HEATR3: variants seen among roughly 807,000 people sequenced by gnomAD.
The protein encoded by HEATR3 is HEAT repeat-containing protein 3.
A neutral mutation model predicts 72.8 loss-of-function variants in HEATR3; 56 were observed. That is an observed-to-expected ratio of 0.77 (90% CI 0.62 to 0.96). HEATR3 has a LOEUF of 0.96. Among genes scored for constraint, HEATR3 ranks in the 40% least tolerant of loss-of-function variants. The probability of loss-of-function intolerance (pLI) is 0.00; values close to 1 mark genes in which losing one functional copy is unlikely to be tolerated. For synonymous variants in HEATR3, 331 were observed against 318.1 expected (o/e 1.04, Z -0.43); for missense variants, 747 against 831.4 (o/e 0.90, Z 1.25).
intron 11 of HEATR3, among the ~76,000 whole-genome samples, chr16:50,093,185 C>G (rs945987416): frequency 6.6e-6 from 1 of 152,208 alleles, no homozygotes; most frequent in Non-Finnish European, 1.5e-5. Context: ...AGCTGCCTCT[C>G]TTCTACCCGG....
At chr16:50,084,837 G>A (rs1303539032) in intron 10 of HEATR3, among the ~76,000 whole-genome samples, 186 bp downstream of exon 10, 2 of 152,182 alleles carry the variant, frequency 1.3e-5, no homozygotes, top group Non-Finnish European at 2.9e-5. Flanking sequence ...AGCAGTGTGT[G>A]TCACAGTTGC....
chr16:50,079,078 T>C, intron 7 of HEATR3, 60 bp downstream of exon 7: 1 of 1,504,592 alleles, frequency 6.6e-7, no homozygotes, highest in Non-Finnish European at 8.9e-7. Flanking sequence ...TTTCCAGCAG[T>C]TATCCTTGGC....
At chr16:50,066,314 C>G in intron 1 of HEATR3, 45 bp downstream of exon 1, 1 of 1,568,322 alleles carries the variant, frequency 6.4e-7, no homozygotes, top group Admixed American at 1.8e-5. Context: ...ACGAGGTTGC[C>G]CCGCGCGCGT....
At chr16:50,072,981 C>T (rs946747580) in intron 5 of HEATR3, 24 of 346,992 alleles carry the variant, frequency 6.9e-5, no homozygotes, top group Non-Finnish European at 3.7e-5. Context: ...CCATTCTTAG[C>T]AGCCTTTATT....
At position 50,066,104 on chromosome 16, in the gene HEATR3, G is replaced by T; in HGVS notation, c.-28G>T. On this transcript the variant is annotated 5_prime_UTR_variant, in exon 1 of 15. Coordinates refer to ENST00000299192, the MANE Select transcript of HEATR3 (RefSeq NM_182922.4). Reference sequence around the variant, plus strand: ...CGCCTGCTGTTGCCCTCCTCTCTCGGTGGTCTGTCCGCCCAGCGCACGTCA... The same window carrying T: ...CGCCTGCTGTTGCCCTCCTCTCTCGTTGGTCTGTCCGCCCAGCGCACGTCA... 1 of 1,569,422 alleles carries T rather than the reference G, an allele frequency of 6.4e-7. No homozygotes were observed. The highest frequency in any genetic ancestry group is 8.6e-7 in the Non-Finnish European group (1 of 1,160,812).
chr16:50,072,790 T>C (rs2036642124), intron 5 of HEATR3, 76 bp downstream of exon 5: 1 of 868,016 alleles, frequency 1.2e-6, no homozygotes, highest in Non-Finnish European at 2.0e-6. Context: ...TTTGGCGTGT[T>C]TATTCCACTG....
chr16:50,076,739 A>G (rs1960998280), intron 6 of HEATR3, among the ~76,000 whole-genome samples: 1 of 149,980 alleles, frequency 6.7e-6, no homozygotes, highest in Non-Finnish European at 1.5e-5. Flanking sequence ...TTGCTCTGTC[A>G]CCCAGGCTGG....
intron 12 of HEATR3, among the ~76,000 whole-genome samples, chr16:50,099,333 A>G (rs1040207402): frequency 2.0e-5 from 3 of 152,196 alleles, no homozygotes; most frequent in Non-Finnish European, 4.4e-5. Context: ...GGCCAGGTGC[A>G]GTGGCTCATA....
intron 6 of HEATR3, among the ~76,000 whole-genome samples, chr16:50,077,390 T>G (rs1256795057): frequency 6.6e-6 from 1 of 151,802 alleles, no homozygotes; most frequent in Non-Finnish European, 1.5e-5. Flanking sequence ...CCTGAGCTCT[T>G]GTAATCTGCC....
chr16:50,075,001 CTT>C (rs2036692388), intron 5 of HEATR3: 1 of 150,148 alleles, frequency 6.7e-6, no homozygotes, highest in Admixed American at 6.7e-5. Context: ...ATAAAAGAGT[CTT>C]TTTAATTGTA....
In HEATR3 at chr16:50,102,824, G is replaced by A. The variant is rs564325923; in HGVS notation, c.1920+389G>A. Among the ~76,000 whole-genome samples the A allele has an allele frequency of 1.4e-3, 212 of 152,162 alleles. 1 individual carries two copies. Among genetic ancestry groups the A allele is most frequent in the African/African-American group, 4.8e-3 (200 of 41,532 alleles). ...GTCGCCCATGCTGGAGTGCAGTGGT[G>A]CGATCTTGGCTCACTGCGACCTCCC... On this transcript the variant is annotated intron_variant, in intron 14 of 14. Coordinates refer to ENST00000299192, the MANE Select transcript of HEATR3 (RefSeq NM_182922.4).
At chr16:50,090,012 A>G (rs1206644029) in intron 11 of HEATR3, among the ~76,000 whole-genome samples, 1 of 152,096 alleles carries the variant, frequency 6.6e-6, no homozygotes, top group East Asian at 1.9e-4. Context: ...GGGATTTATT[A>G]ATAATGTAAT....
chr16:50,084,916 A>T (rs2036955158), intron 10 of HEATR3, among the ~76,000 whole-genome samples: 2 of 152,202 alleles, frequency 1.3e-5, no homozygotes, highest in Admixed American at 1.3e-4. Flanking sequence ...AAAATCACGC[A>T]GTACAATACA....
chr16:50,086,025 C>A (rs2036978622), intron 10 of HEATR3, among the ~76,000 whole-genome samples, 190 bp from the exon 11 acceptor site: 1 of 152,076 alleles, frequency 6.6e-6, no homozygotes. Flanking sequence ...AAGACCCTGT[C>A]TAAAAAATGA....
intron 11 of HEATR3, among the ~76,000 whole-genome samples, chr16:50,087,898 G>A (rs1353780126): frequency 3.3e-5 from 5 of 152,022 alleles, no homozygotes; most frequent in Admixed American, 2.0e-4. Flanking sequence ...AGGCCGAGGC[G>A]GGTGGATCAC....
At chr16:50,075,779 A>C in intron 6 of HEATR3, 68 bp downstream of exon 6, 1 of 1,380,818 alleles carries the variant, frequency 7.2e-7, no homozygotes, top group East Asian at 2.3e-5. Flanking sequence ...GTGGGGGCAA[A>C]ATTTAGTCAT....
chr16:50,067,463 C>T (rs2036523537), intron 2 of HEATR3, among the ~76,000 whole-genome samples: 1 of 152,050 alleles, frequency 6.6e-6, no homozygotes, highest in African/African-American at 2.4e-5. Context: ...ACAAAGGGAG[C>T]AGCAACAGCA....
At position 50,078,996 on chromosome 16, in the gene HEATR3, CTT is replaced by C; in HGVS notation, c.1021_1022del (p.Phe341ArgfsTer9). 6.2e-7 allele frequency: 1 copy of C among 1,612,298 alleles called. No individual in the cohort carries two copies. Among genetic ancestry groups the C allele is most frequent in the Non-Finnish European group, 8.5e-7 (1 of 1,179,198 alleles). ...CATAAAAGAAGAGTCAGAAGGAAAACTTTCGTTTCAGATTTACTTCCGGTAAG... is the reference window on the plus strand; with the variant it reads ...CATAAAAGAAGAGTCAGAAGGAAAACTCGTTTCAGATTTACTTCCGGTAAG... On this transcript the variant is annotated frameshift_variant, in exon 7 of 15. Transcript: ENST00000299192. LOFTEE classifies it high-confidence loss of function.
chr16:50,092,452 T>TTTTTTTC (rs1411593333), intron 11 of HEATR3, among the ~76,000 whole-genome samples: 8 of 142,574 alleles, frequency 5.6e-5, no homozygotes, highest in Admixed American at 2.8e-4. Context: ...TTTTTTTTTT[T>TTTTTTTC]CCTGAGACGA....
Sources: allele counts gnomAD v4.1 joint callset (sites outside exome capture counted in the v4.1 genomes callset), GRCh38; gene constraint gnomAD v4.1.1; transcripts MANE v1.5; gene names NCBI Gene and HGNC (gene_info 2026-07-23, HGNC 2026-07-21).